Variants in FAM53B observed in about 807,000 individuals in gnomAD.
The protein encoded by FAM53B is family with sequence similarity 53 member B.
In FAM53B, 12 loss-of-function variants were observed where a neutral mutation model predicts 32.7. The ratio of observed to expected loss-of-function variants is 0.37; its 90% CI spans 0.24 to 0.59. FAM53B has a LOEUF of 0.59. Ranked by LOEUF, FAM53B falls within the 20% of genes least tolerant of loss-of-function variation. The probability of loss-of-function intolerance (pLI) is 0.72; values close to 1 mark genes in which losing one functional copy is unlikely to be tolerated. For missense variants in FAM53B, 477 were observed against 577.7 expected, an observed-to-expected ratio of 0.83 and a Z score of 1.79; for synonymous variants, 234 against 228.7, an observed-to-expected ratio of 1.02 and a Z score of -0.21.
chr10:124,743,151 G>T (rs1437463984), intron 1 of FAM53B, among the ~76,000 whole-genome samples: 1 of 150,432 alleles, frequency 6.6e-6, no homozygotes, highest in Non-Finnish European at 1.5e-5. Context: ...GGGGGACAAG[G>T]TGGGGGGGCG....
intron 3 of FAM53B, among the ~76,000 whole-genome samples, chr10:124,691,091 C>T (rs1311522931): frequency 6.6e-6 from 1 of 152,238 alleles, no homozygotes; most frequent in African/African-American, 2.4e-5. Context: ...TCATTTTCCA[C>T]TTTCCATGAC....
intron 4 of FAM53B, among the ~76,000 whole-genome samples, chr10:124,626,176 C>T (rs1949348399): frequency 6.6e-6 from 1 of 152,260 alleles, no homozygotes; most frequent in Admixed American, 6.5e-5. Flanking sequence ...CGAGTGTTTT[C>T]TGTGGCCTCG....
At chr10:124,650,531 T>C (rs1949549604) in intron 4 of FAM53B, among the ~76,000 whole-genome samples, 1 of 152,198 alleles carries the variant, frequency 6.6e-6, no homozygotes, top group Admixed American at 6.5e-5. Flanking sequence ...GCCTATGTGA[T>C]CTTCACACCA....
intron 4 of FAM53B, among the ~76,000 whole-genome samples, chr10:124,635,378 C>T (rs530642686): frequency 3.0e-4 from 46 of 152,284 alleles, no homozygotes; most frequent in African/African-American, 9.6e-4. Flanking sequence ...TGAGCCACCA[C>T]GCTCGGCCGA....
intron 4 of FAM53B, among the ~76,000 whole-genome samples, chr10:124,680,263 A>G (rs141755603): frequency 5.9e-5 from 9 of 152,302 alleles, no homozygotes; most frequent in South Asian, 2.1e-4. Context: ...CTCTCCCCCA[A>G]GCGGATCCCA....
intron 2 of FAM53B, among the ~76,000 whole-genome samples, chr10:124,696,501 AT>A (rs1485802788): frequency 6.6e-6 from 1 of 152,176 alleles, no homozygotes. Context: ...CACATAAGTG[AT>A]GTGGAGGCGG....
chr10:124,623,529 G>A lies in FAM53B; in HGVS notation c.982C>T (p.Arg328Cys), dbSNP rs771907079. 39 of 1,552,336 alleles carry A rather than the reference G, an allele frequency of 2.5e-5. No homozygotes were observed. The highest frequency in any genetic ancestry group is 7.2e-5 in the East Asian group (3 of 41,452). ...EDCGPQSPFA[R>C]HVSNTRAWTA... The stretch of plus-strand genomic sequence containing the variant: ...CAGGCCCTGGTGTTGCTGACGTGGC[G>A]GGCGAAGGGGCTCTGGGGACCGCAG... The change falls in exon 5 of 5, where the codon CGC (arginine) becomes TGC (cysteine). Residue 328 changes from arginine to cysteine, a missense_variant. Physicochemically the swap from Arg to Cys is radical, Grantham distance 180. Coordinates refer to ENST00000337318, the MANE Select transcript of FAM53B (RefSeq NM_014661.4).
chr10:124,715,223 G>A (rs1029639467), intron 1 of FAM53B, among the ~76,000 whole-genome samples: 1 of 152,222 alleles, frequency 6.6e-6, no homozygotes, highest in African/African-American at 2.4e-5. Flanking sequence ...TGGAACTGAT[G>A]TTGAAACATG....
chr10:124,707,117 TAGA>T (rs1949965441), intron 1 of FAM53B, among the ~76,000 whole-genome samples: 1 of 152,068 alleles, frequency 6.6e-6, no homozygotes, highest in Non-Finnish European at 1.5e-5. Context: ...GCCTGGTGGA[TAGA>T]ACAACAAATT....
chr10:124,737,632 G>T (rs1002532838), intron 1 of FAM53B, among the ~76,000 whole-genome samples: 12 of 152,124 alleles, frequency 7.9e-5, no homozygotes, highest in African/African-American at 2.9e-4. Flanking sequence ...CTTCCAGAAG[G>T]TTACATCAGC....
At chr10:124,713,122 C>T (rs903770466) in intron 1 of FAM53B, among the ~76,000 whole-genome samples, 1 of 152,238 alleles carries the variant, frequency 6.6e-6, no homozygotes. Flanking sequence ...AGCCCTCCAC[C>T]CTCACCTCCA....
At chr10:124,711,115 T>C (rs1466569048) in intron 1 of FAM53B, among the ~76,000 whole-genome samples, 2 of 152,114 alleles carry the variant, frequency 1.3e-5, no homozygotes, top group Non-Finnish European at 1.5e-5. Context: ...ACAGCCACAC[T>C]GTGGAATACT....
chr10:124,629,475 G>A (rs991796863), intron 4 of FAM53B, among the ~76,000 whole-genome samples: 1 of 152,168 alleles, frequency 6.6e-6, no homozygotes. Flanking sequence ...GTCCCTCTGA[G>A]AAAGGGCCAT....
chr10:124,628,493 C>T (rs1014463559), intron 4 of FAM53B, among the ~76,000 whole-genome samples: 1 of 152,220 alleles, frequency 6.6e-6, no homozygotes, highest in Non-Finnish European at 1.5e-5. Flanking sequence ...CACTGAGATC[C>T]TCCACTGGCC....
At chr10:124,684,325 T>A (rs1276108627) in intron 3 of FAM53B, among the ~76,000 whole-genome samples, 2 of 152,238 alleles carry the variant, frequency 1.3e-5, no homozygotes, top group Admixed American at 6.5e-5. Flanking sequence ...GGTCTCAATA[T>A]CTGCTCCTCC....
intron 1 of FAM53B, among the ~76,000 whole-genome samples, chr10:124,739,974 A>C (rs963408868): frequency 1.3e-4 from 20 of 152,286 alleles, no homozygotes; most frequent in African/African-American, 4.8e-4. Flanking sequence ...AACAAAAAAA[A>C]CGACAAGAAA....
intron 4 of FAM53B, among the ~76,000 whole-genome samples, chr10:124,624,957 C>G (rs1949336811): frequency 6.6e-6 from 1 of 152,162 alleles, no homozygotes; most frequent in South Asian, 2.1e-4. Flanking sequence ...GGGGGGAATT[C>G]CAGCCTTTAG....
At chr10:124,692,191 C>A (rs950025288) in intron 3 of FAM53B, among the ~76,000 whole-genome samples, 2 of 152,286 alleles carry the variant, frequency 1.3e-5, no homozygotes, top group East Asian at 1.9e-4. Context: ...ATAAGGGGCA[C>A]TGAGCCCTGG....
chr10:124,721,469 C>A (rs1950068041), intron 1 of FAM53B, among the ~76,000 whole-genome samples: 1 of 152,238 alleles, frequency 6.6e-6, no homozygotes, highest in Non-Finnish European at 1.5e-5. Flanking sequence ...TTCTAGCTGA[C>A]CTTGTCCTGC....
Sources: gnomAD v4.1 joint callset for allele counts (sites outside exome capture counted in the v4.1 genomes callset) on GRCh38, gnomAD v4.1.1 for gene constraint, MANE v1.5 for transcripts, NCBI Gene and HGNC (gene_info 2026-07-23, HGNC 2026-07-21) for gene names.